The following HAUS3 variants were observed in gnomAD, a reference collection of about 807,000 sequenced individuals.
HAUS3 encodes HAUS augmin like complex subunit 3, also known as HAUS augmin-like complex subunit 3.
Under a neutral mutation model 55.2 loss-of-function variants are expected in HAUS3, and 36 were observed. The ratio of observed to expected loss-of-function variants is 0.65; its 90% confidence interval spans 0.50 to 0.86. HAUS3 has a LOEUF of 0.86. Among genes scored for constraint, HAUS3 ranks in the 40% least tolerant of loss-of-function variants. The pLI, the probability that HAUS3 is intolerant of heterozygous loss-of-function variation, is 0.00. For synonymous variants in HAUS3, 234 were observed against 238.6 expected (o/e 0.98, Z 0.18); for missense variants, 752 against 671.5 (o/e 1.12, Z -1.33).
In HAUS3 at chr4:2,240,953, A is replaced by C. The variant is rs755238336; in HGVS notation, c.-7T>G. The C allele has an allele frequency of 6.3e-7, 1 of 1,581,084 alleles. No individual in the cohort carries two copies. The highest frequency in any genetic ancestry group is 8.5e-7 in the Non-Finnish European group (1 of 1,173,714). On this transcript the variant is annotated 5_prime_UTR_variant, in exon 3 of 6. Transcript: ENST00000443786. ...ACTCATTTCCACAACTCATGGTTTT[A>C]ACTACCCCAATTTTGTTGTATCTGA...
Position 2,240,502 on chromosome 4 carries a change from T to G in HAUS3, c.445A>C (p.Lys149Gln), listed in dbSNP as rs775449759. 1.9e-6 allele frequency: 3 copies of G among 1,613,958 alleles called. No homozygotes were observed. The highest frequency in any genetic ancestry group is 1.7e-6 in the Non-Finnish European group (2 of 1,179,988). Reference protein sequence around the residue: ...AKEEEATKKLKQSQGILNAMI... With the variant: ...AKEEEATKKLQQSQGILNAMI... ...GCATTTAGAATTCCTTGACTCTGCT[T>G]CAGCTTTTTAGTGGCTTCTTCTTCT... is the stretch of plus-strand genomic sequence containing the variant. The change falls in exon 3 of 6, where the codon AAG (lysine) becomes CAG (glutamine). Residue 149 changes from lysine (K) to glutamine (Q), a missense_variant. Physicochemically the swap from Lys to Gln is moderately conservative, Grantham distance 53 (BLOSUM62 1). Transcript: ENST00000443786.
Position 2,240,776 on chromosome 4 carries a change from T to C in HAUS3, c.171A>G (p.Glu57=), listed in dbSNP as rs773112353. 1 of 1,613,966 alleles carries C rather than the reference T, an allele frequency of 6.2e-7. No individual in the cohort carries two copies. Among genetic ancestry groups the C allele is most frequent in the Non-Finnish European group, 8.5e-7 (1 of 1,179,990 alleles). The change falls in exon 3 of 6, where the codon GAA becomes GAG. Residue 57 remains glutamate, a synonymous_variant. Coordinates refer to ENST00000443786, the MANE Select transcript of HAUS3 (RefSeq NM_001303143.2). The part of the protein sequence containing the change: ...VNEQNVLSER[E]LEAFSILQKS... The stretch of plus-strand genomic sequence containing the variant: ...TCTGAAGAATGCTAAAAGCTTCCAA[T>C]TCTCTTTCAGACAACACGTTCTGTT...
At position 2,236,406 on chromosome 4, in the gene HAUS3, G is replaced by C. The variant is rs1734767634; in HGVS notation, c.1400C>G (p.Thr467Ser). 1 of 1,613,600 alleles carries C rather than the reference G, an allele frequency of 6.2e-7. No homozygotes were observed. Among genetic ancestry groups the C allele is most frequent in the Non-Finnish European group, 8.5e-7 (1 of 1,179,666 alleles). Residue 467 changes from threonine (T) to serine (S), a missense_variant, in exon 5 of 6, where the codon ACT (threonine) becomes AGT (serine). Physicochemically the swap from Thr to Ser is moderately conservative, Grantham distance 58. Transcript: ENST00000443786. The part of the protein sequence containing the change: ...GENKKKELFL[T>S]HGNLEEVAEK... ...AGCCACTTCCTCAAGGTTTCCATGA[G>C]TTAGAAACAATTCTTTTTTCTTATT...
rs1255638596 is a variant in HAUS3 at position 2,228,467 on chromosome 4, T to C, written c.*3460A>G. ...CATTCTCCTGCCTCAGCCTCCCAAG[T>C]AGCTGGACTACAGGCGCCTACCACC... On this transcript the variant is annotated 3_prime_UTR_variant, in exon 6 of 6. Coordinates refer to ENST00000443786, the MANE Select transcript of HAUS3 (RefSeq NM_001303143.2). The C allele has an allele frequency of 1.9e-5, 4 of 211,858 alleles. No individual in the cohort carries two copies. In the East Asian group the frequency reaches 5.4e-4, roughly 28 times the overall value. The allele number at this position is 211,858 out of a possible 1,614,324, so 13.1% of individuals were successfully genotyped here.
chr4:2,239,860 A>G (rs569936218), intron 3 of HAUS3, among the ~76,000 whole-genome samples, 178 bp downstream of exon 3: 2 of 152,366 alleles, frequency 1.3e-5, no homozygotes, highest in South Asian at 4.1e-4. Context: ...GCCCTCCATT[A>G]ACGTATGGAA....
At position 2,241,550 on chromosome 4, in the gene HAUS3, CCA is replaced by C. The variant is rs1333817467; in HGVS notation, c.-180_-179del. The C allele has an allele frequency of 1.0e-6, 1 of 985,870 alleles. No homozygotes were observed. Among genetic ancestry groups the C allele is most frequent in the Non-Finnish European group, 1.2e-6 (1 of 830,366 alleles). The allele number at this position is 985,870 out of a possible 1,614,324, so 61.1% of individuals were successfully genotyped here. On this transcript the variant is annotated 5_prime_UTR_variant, in exon 2 of 6. Coordinates refer to ENST00000443786, the MANE Select transcript of HAUS3 (RefSeq NM_001303143.2). ...CGTCTCGCCGGGCAAGGCTCCACCT[CCA>C]GAGTCCACCACCGCGACGCGGAGAA... is the stretch of plus-strand genomic sequence containing the variant.
At position 2,231,008 on chromosome 4, in the gene HAUS3, C is replaced by T. The variant is rs1268779044; in HGVS notation, c.*919G>A. The T allele has an allele frequency of 1.3e-5, 2 of 152,170 alleles. No individual in the cohort carries two copies. Among genetic ancestry groups the T allele is most frequent in the African/African-American group, 4.8e-5 (2 of 41,438 alleles). The allele number at this position is 152,170 out of a possible 1,614,324, so 9.4% of individuals were successfully genotyped here. A position where few individuals can be genotyped will look rare whatever the true frequency, so the allele number is the denominator to read the frequency against. ...TGAAATTCAAATTTCATTTGAAAGT[C>T]ATTTATGATGTGTAAGTCACATTAA... On this transcript the variant is annotated 3_prime_UTR_variant, in exon 6 of 6. Transcript: ENST00000443786.
rs755772363 is a variant in HAUS3 at position 2,240,332 on chromosome 4, A to T, written c.615T>A (p.Ser205Arg). 6.2e-7 allele frequency: 1 copy of T among 1,603,380 alleles called. No individual in the cohort carries two copies. Among genetic ancestry groups the T allele is most frequent in the African/African-American group, 1.3e-5 (1 of 74,800 alleles). Residue 205 changes from serine (S) to arginine (R), a missense_variant, in exon 3 of 6, where the codon AGT becomes AGA. Physicochemically the swap from Ser to Arg is moderately radical, Grantham distance 110. Coordinates refer to ENST00000443786, the MANE Select transcript of HAUS3 (RefSeq NM_001303143.2). Reference sequence around the variant, plus strand: ...ATGCTGCTGTGCTTTGCTCTTCCTGACTTAGGTATTTTTCCAAGGAAAATT... The same window carrying T: ...ATGCTGCTGTGCTTTGCTCTTCCTGTCTTAGGTATTTTTCCAAGGAAAATT... ...LSQFSLEKYL[S>R]QEEQSTAALT... is the part of the protein sequence containing the mutation.
chr4:2,239,327 G>A (rs1188576469), intron 3 of HAUS3, among the ~76,000 whole-genome samples: 1 of 152,056 alleles, frequency 6.6e-6, no homozygotes, highest in Non-Finnish European at 1.5e-5. Flanking sequence ...TTATTAATAG[G>A]ACACTATTCA....
Position 2,240,519 on chromosome 4 carries a change from T to G in HAUS3, c.428A>C (p.Glu143Ala), listed in dbSNP as rs371675587. 1.5e-4 allele frequency: 241 copies of G among 1,613,838 alleles called. No individual in the cohort carries two copies. The highest frequency in any genetic ancestry group is 9.9e-4 in the Middle Eastern group (6 of 6,058). Residue 143 changes from glutamate to alanine, a missense_variant, in exon 3 of 6, where the codon GAA becomes GCA. Glu to Ala is a moderately radical substitution (Grantham distance 107). Transcript: ENST00000443786. ...KSLRLNAKEE[E>A]ATKKLKQSQG... Reference sequence around the variant, plus strand: ...ACTCTGCTTCAGCTTTTTAGTGGCTTCTTCTTCTTTAGCATTTAACCTCAG... The same window carrying G: ...ACTCTGCTTCAGCTTTTTAGTGGCTGCTTCTTCTTTAGCATTTAACCTCAG...
Position 2,229,109 on chromosome 4 carries a change from CT to C in HAUS3, c.*2817del, listed in dbSNP as rs1310019291. 2.5e-6 allele frequency: 4 copies of C among 1,602,638 alleles called. No individual in the cohort carries two copies. The East Asian group carries it at 6.7e-5, about 27-fold the overall frequency. On this transcript the variant is annotated 3_prime_UTR_variant, in exon 6 of 6. Coordinates refer to ENST00000443786, the MANE Select transcript of HAUS3 (RefSeq NM_001303143.2). The stretch of plus-strand genomic sequence containing the variant: ...ATAAAAATTACTTACTCTCTGTACT[CT>C]TTCCCCAAGTCTTAGAATCCACTAA...
chr4:2,238,852 T>C lies in HAUS3; in HGVS notation c.1101A>G (p.Thr367=), dbSNP rs767264100. 59 of 1,613,214 alleles carry C rather than the reference T, an allele frequency of 3.7e-5. No homozygotes were observed. The highest frequency in any genetic ancestry group is 1.6e-4 in the South Asian group (15 of 91,044). ...GATTTAAAACTAACTCTTGTCTTGC[T>C]GTATAATAATCTTGTTTAGCAATCT... is the stretch of plus-strand genomic sequence containing the variant. ...DLQIAKQDYY[T]ARQELVLNQL... The change falls in exon 4 of 6, where the codon ACA becomes ACG. Residue 367 remains threonine, a synonymous_variant. Coordinates refer to ENST00000443786, the MANE Select transcript of HAUS3 (RefSeq NM_001303143.2).
At chr4:2,232,239 G>A in intron 5 of HAUS3, 79 bp from the exon 6 acceptor site, 1 of 681,512 alleles carries the variant, frequency 1.5e-6, no homozygotes, top group Non-Finnish European at 2.3e-6. Context: ...TAATTTACAT[G>A]GAAAGACTTT....
intron 5 of HAUS3, among the ~76,000 whole-genome samples, chr4:2,232,698 T>G (rs769576040): frequency 6.6e-6 from 1 of 152,158 alleles, no homozygotes; most frequent in Non-Finnish European, 1.5e-5. Context: ...AAAACCATCC[T>G]AATCATATAA....
At chr4:2,234,808 T>A (rs1363556547) in intron 5 of HAUS3, among the ~76,000 whole-genome samples, 1 of 152,204 alleles carries the variant, frequency 6.6e-6, no homozygotes, top group Non-Finnish European at 1.5e-5. Context: ...AATTATTCAC[T>A]GCAACTTTAA....
At chr4:2,239,105 T>C (rs765121451) in intron 3 of HAUS3, 62 bp from the exon 4 acceptor site, 1 of 862,326 alleles carries the variant, frequency 1.2e-6, no homozygotes, top group Non-Finnish European at 1.7e-6. Context: ...CATCTTAAGA[T>C]TATTTTCACT....
At position 2,240,906 on chromosome 4, in the gene HAUS3, AT is replaced by A. The variant is rs748396956; in HGVS notation, c.40del (p.Ile14LeufsTer27). ...AAGATTATCAGCTTTGGGATAACCA[AT>A]TTTTTTTAATGTTTCCACAAACTCA... is the stretch of plus-strand genomic sequence containing the variant. ...GNEFVETLKK[I>X]GYPKADNLNG... On this transcript the variant is annotated frameshift_variant, in exon 3 of 6. Coordinates refer to ENST00000443786, the MANE Select transcript of HAUS3 (RefSeq NM_001303143.2). LOFTEE classifies it high-confidence loss of function. 4.4e-6 allele frequency: 7 copies of A among 1,597,264 alleles called. No individual in the cohort carries two copies. Among genetic ancestry groups the A allele is most frequent in the African/African-American group, 2.7e-5 (2 of 74,204 alleles).
chr4:2,241,792 T>C lies in HAUS3; in HGVS notation c.-418-2A>G. ...ACCCAGCTGTGACACCTAAGCACGC[T>C]GACAAAACAAACGCACAAGCCCACC... On this transcript the variant is annotated splice_acceptor_variant, in intron 1 of 5. Transcript: ENST00000443786. LOFTEE classifies it low-confidence loss of function (5UTR_SPLICE). 2 of 985,350 alleles carry C rather than the reference T, an allele frequency of 2.0e-6. No individual in the cohort carries two copies. The highest frequency in any genetic ancestry group is 2.4e-6 in the Non-Finnish European group (2 of 829,930). The allele number at this position is 985,350 out of a possible 1,614,324, so 61.0% of individuals were successfully genotyped here.
In HAUS3 at chr4:2,241,003, A is replaced by T. The variant is rs923605676; in HGVS notation, c.-57T>A. On this transcript the variant is annotated 5_prime_UTR_variant, in exon 3 of 6. Coordinates refer to ENST00000443786, the MANE Select transcript of HAUS3 (RefSeq NM_001303143.2). ...ATATGGGTTTACGGTGTTGATTTTTAGAAAATAAATCCAAGCAGAAAAAAA... is the reference window on the plus strand; with the variant it reads ...ATATGGGTTTACGGTGTTGATTTTTTGAAAATAAATCCAAGCAGAAAAAAA... 1 of 1,321,860 alleles carries T rather than the reference A, an allele frequency of 7.6e-7. No homozygotes were observed. The highest frequency in any genetic ancestry group is 1.3e-5 in the South Asian group (1 of 76,500). 81.9% of individuals were successfully genotyped at this position (1,321,860 alleles called of 1,614,324 possible). A position where few individuals can be genotyped will look rare whatever the true frequency, so the allele number is the denominator to read the frequency against.
Sources: gnomAD v4.1 joint callset for allele counts (sites outside exome capture counted in the v4.1 genomes callset) on GRCh38, gnomAD v4.1.1 for gene constraint, MANE v1.5 for transcripts, NCBI Gene and HGNC (gene_info 2026-07-23, HGNC 2026-07-21) for gene names.